MLLT3: variants seen among roughly 807,000 people sequenced by gnomAD.
MLLT3 encodes the protein protein AF-9.
MLLT3 carries 4 observed loss-of-function variants against 53.2 expected under a neutral mutation model. The observed-to-expected ratio is 0.08, with a 90% CI of 0.04 to 0.17. MLLT3 has a LOEUF of 0.17. Ranked by LOEUF, MLLT3 falls within the 10% of genes least tolerant of loss-of-function variation. The probability of loss-of-function intolerance (pLI) is 1.00; values close to 1 mark genes in which losing one functional copy is unlikely to be tolerated. For missense variants in MLLT3, 569 were observed against 684.0 expected (o/e 0.83, Z 1.87); for synonymous variants, 283 against 230.6 (o/e 1.23, Z -2.06).
At chr9:20,450,812 T>C (rs1215794517) in intron 3 of MLLT3, among the ~76,000 whole-genome samples, 1 of 152,220 alleles carries the variant, frequency 6.6e-6, no homozygotes, top group Non-Finnish European at 1.5e-5. Context: ...CTCTAAGTTA[T>C]AAAACAGAAG....
chr9:20,543,736 G>C (rs904678145), intron 2 of MLLT3, among the ~76,000 whole-genome samples: 1 of 151,288 alleles, frequency 6.6e-6, no homozygotes, highest in East Asian at 1.9e-4. Flanking sequence ...GGAGGAAGGA[G>C]GAGGAGGAGG....
At chr9:20,362,592 T>TA (rs1821351563) in intron 7 of MLLT3, 1 of 150,968 alleles carries the variant, frequency 6.6e-6, no homozygotes, top group South Asian at 2.1e-4. Context: ...AATATGACCA[T>TA]AAAAAACAGT....
intron 5 of MLLT3, among the ~76,000 whole-genome samples, chr9:20,372,331 C>T (rs905665191): frequency 2.6e-5 from 4 of 152,226 alleles, no homozygotes; most frequent in Non-Finnish European, 5.9e-5. Context: ...AACAACCTCA[C>T]ATGCTACAGA....
intron 5 of MLLT3, among the ~76,000 whole-genome samples, chr9:20,383,481 A>T (rs527510023): frequency 6.6e-6 from 1 of 151,904 alleles, no homozygotes; most frequent in African/African-American, 2.4e-5. Flanking sequence ...AGCACATAAC[A>T]TCATCTCTCC....
At chr9:20,455,927 C>CTTTTT (rs780438955) in intron 3 of MLLT3, among the ~76,000 whole-genome samples, 3 of 116,868 alleles carry the variant, frequency 2.6e-5, no homozygotes, top group Non-Finnish European at 3.6e-5. Flanking sequence ...CTGCTAAAAA[C>CTTTTT]TTTTTTTTTT....
intron 5 of MLLT3, chr9:20,411,995 C>T (rs923944902): frequency 6.6e-6 from 1 of 152,050 alleles, no homozygotes; most frequent in Non-Finnish European, 1.5e-5. Context: ...CATTACTTAC[C>T]CATACTAATT....
In MLLT3 at chr9:20,341,955, G is replaced by C. The variant is rs1315421923; in HGVS notation, c.*4488C>G. Reference sequence around the variant, plus strand: ...AAATATTATATATATACTGGCTTTAGGACACAGAAGATGGTGTTAGACATG... The same window carrying C: ...AAATATTATATATATACTGGCTTTACGACACAGAAGATGGTGTTAGACATG... On this transcript the variant is annotated 3_prime_UTR_variant, in exon 11 of 11. Transcript: ENST00000380338. 4.9e-6 allele frequency: 1 copy of C among 202,222 alleles called. No homozygotes were observed. The highest frequency in any genetic ancestry group is 2.3e-5 in the African/African-American group (1 of 43,540). 12.5% of individuals were successfully genotyped at this position (202,222 alleles called of 1,614,324 possible).
At chr9:20,495,217 C>T (rs561766190) in intron 2 of MLLT3, among the ~76,000 whole-genome samples, 1 of 152,232 alleles carries the variant, frequency 6.6e-6, no homozygotes, top group African/African-American at 2.4e-5. Flanking sequence ...CAGAATTACA[C>T]TCAGAAAACC....
chr9:20,620,302 G>C lies in MLLT3; in HGVS notation c.193+352C>G, dbSNP rs1301306190. 2.0e-5 allele frequency among the ~76,000 whole-genome samples: 3 copies of C among 147,206 alleles called. No homozygotes were observed. Among genetic ancestry groups the C allele is most frequent in the Admixed American group, 1.3e-4 (2 of 14,952 alleles). On this transcript the variant is annotated intron_variant, in intron 2 of 10. Transcript: ENST00000380338. The surrounding 1 kb of genome is among the most constrained non-coding windows in gnomAD (Gnocchi z 6.1). ...ACACACACACACACACACGCGCAAA[G>C]TGTTTATTCCCTCCAGCCCGATTCC...
chr9:20,376,192 C>T (rs1394672651), intron 5 of MLLT3, among the ~76,000 whole-genome samples: 4 of 152,134 alleles, frequency 2.6e-5, no homozygotes, highest in Admixed American at 2.6e-4. Flanking sequence ...ACCTTTATTG[C>T]TAGACACCTA....
At chr9:20,486,188 A>C (rs990635842) in intron 2 of MLLT3, among the ~76,000 whole-genome samples, 3 of 152,184 alleles carry the variant, frequency 2.0e-5, no homozygotes, top group Non-Finnish European at 4.4e-5. Flanking sequence ...GTTATAATAC[A>C]AAAACATATA....
intron 2 of MLLT3, among the ~76,000 whole-genome samples, chr9:20,484,950 T>C (rs1824769058): frequency 6.6e-6 from 1 of 152,066 alleles, no homozygotes; most frequent in Non-Finnish European, 1.5e-5. Context: ...TTTACATAAG[T>C]CCCCTATTGC....
At chr9:20,615,074 T>C (rs1171241513) in intron 2 of MLLT3, among the ~76,000 whole-genome samples, 4 of 152,054 alleles carry the variant, frequency 2.6e-5, no homozygotes, top group Admixed American at 6.5e-5. Context: ...CCGGGCACAA[T>C]GGCTCATGCC....
rs1337664864 is a variant in MLLT3 at position 20,448,564 on chromosome 9, G to A, written c.277-298C>T. 6.6e-6 allele frequency among the ~76,000 whole-genome samples: 1 copy of A among 151,986 alleles called. No individual in the cohort carries two copies. The highest frequency in any genetic ancestry group is 6.6e-5 in the Admixed American group (1 of 15,242). On this transcript the variant is annotated intron_variant, in intron 3 of 10. Transcript: ENST00000380338. This position sits in a 1 kb window ranked among gnomAD's most constrained non-coding sequence, Gnocchi z 4.0. ...ACATAGCCACCCAACTAGAAACCAAGCACATTCCTTCCTCTTCCCCACCCC... is the reference window on the plus strand; with the variant it reads ...ACATAGCCACCCAACTAGAAACCAAACACATTCCTTCCTCTTCCCCACCCC...
At chr9:20,539,613 AATCCACACCCATG>A (rs1818574797) in intron 2 of MLLT3, among the ~76,000 whole-genome samples, 2 of 152,122 alleles carry the variant, frequency 1.3e-5, no homozygotes, top group South Asian at 4.1e-4. Flanking sequence ...ACATGGGGGA[AATCCACACCCATG>A]ATCCAATCAC....
intron 2 of MLLT3, chr9:20,533,099 G>A: frequency 3.9e-6 from 1 of 253,560 alleles, no homozygotes; most frequent in Non-Finnish European, 7.9e-6. Context: ...TCCCTTAAGT[G>A]CATTACCAAG....
At chr9:20,568,526 C>A (rs970330233) in intron 2 of MLLT3, among the ~76,000 whole-genome samples, 5 of 152,054 alleles carry the variant, frequency 3.3e-5, no homozygotes, top group Admixed American at 3.3e-4. Flanking sequence ...CCTTTAGAAG[C>A]CATTCTAATA....
In MLLT3 at chr9:20,607,854, C is replaced by T. The variant is rs1024667939; in HGVS notation, c.193+12800G>A. Among the ~76,000 whole-genome samples, 19 of 151,992 alleles carry T rather than the reference C, an allele frequency of 1.3e-4. 1 individual carries two copies. Among genetic ancestry groups the T allele is most frequent in the Middle Eastern group, 3.4e-3 (1 of 294 alleles). The stretch of plus-strand genomic sequence containing the variant: ...AACTAAAATTAACCTCCTCATTTTG[C>T]GGAAATCATTTTTAGTTATGCTTAA... On this transcript the variant is annotated intron_variant, in intron 2 of 10. Transcript: ENST00000380338.
At chr9:20,497,388 G>A (rs1825104118) in intron 2 of MLLT3, among the ~76,000 whole-genome samples, 1 of 151,946 alleles carries the variant, frequency 6.6e-6, no homozygotes, top group South Asian at 2.1e-4. Flanking sequence ...TCAAGATAAG[G>A]AACATCCATC....
Sources: allele counts gnomAD v4.1 joint callset (sites outside exome capture counted in the v4.1 genomes callset), GRCh38; gene constraint gnomAD v4.1.1; non-coding constraint Gnocchi (gnomAD v3.1); transcripts MANE v1.5; gene names NCBI Gene and HGNC (gene_info 2026-07-23, HGNC 2026-07-21).